Variants in PMEPA1 observed in about 807,000 individuals in gnomAD.
PMEPA1 encodes the protein prostate transmembrane protein, androgen induced 1.
In PMEPA1, 11 loss-of-function variants were observed where a neutral mutation model predicts 23.0. The observed-to-expected ratio is 0.48, with a 90% CI of 0.30 to 0.79. The LOEUF (loss-of-function observed/expected upper bound fraction) is 0.79, where lower values mean the gene tolerates loss of function less well. Among genes scored for constraint, PMEPA1 ranks in the 30% least tolerant of loss-of-function variants. The probability of loss-of-function intolerance (pLI) is 0.06; values close to 1 mark genes in which losing one functional copy is unlikely to be tolerated. For synonymous variants in PMEPA1, 204 were observed against 166.4 expected (o/e 1.23, Z -1.74); for missense variants, 377 against 390.9 (o/e 0.96, Z 0.30).
chr20:57,651,980 ACTC>A lies in PMEPA1; in HGVS notation c.*70_*72del. The A allele has an allele frequency of 2.3e-6, 3 of 1,317,592 alleles. No individual in the cohort carries two copies. The highest frequency in any genetic ancestry group is 3.2e-5 in the Admixed American group (1 of 31,524). 81.6% of individuals were successfully genotyped at this position (1,317,592 alleles called of 1,614,324 possible). On this transcript the variant is annotated 3_prime_UTR_variant, in exon 4 of 4. Transcript: ENST00000341744. The stretch of plus-strand genomic sequence containing the variant: ...TTGCTGCGCCCCCCGCCTTCCTCTC[ACTC>A]CTCTTCTAAGAAGCGCGGAGTGTTC...
chr20:57,690,292 G>C, intron 1 of PMEPA1: 1 of 579,038 alleles, frequency 1.7e-6, no homozygotes. Flanking sequence ...ACCCGGGGGG[G>C]CCGGGCCCAG....
At chr20:57,701,272 G>A (rs193302533) in intron 1 of PMEPA1, among the ~76,000 whole-genome samples, 1 of 152,196 alleles carries the variant, frequency 6.6e-6, no homozygotes, top group Non-Finnish European at 1.5e-5. Flanking sequence ...GCTTAGCTCG[G>A]TCCAGCATAT....
chr20:57,665,108 G>C (rs1049391302), intron 1 of PMEPA1, among the ~76,000 whole-genome samples: 8 of 152,224 alleles, frequency 5.3e-5, no homozygotes, highest in Non-Finnish European at 1.0e-4. Flanking sequence ...GGACAGAGCA[G>C]GAGAGGGCAC....
In PMEPA1 at chr20:57,650,820, G is replaced by A. The variant is rs1000747300; in HGVS notation, c.*1233C>T. On this transcript the variant is annotated 3_prime_UTR_variant, in exon 4 of 4. Transcript: ENST00000341744. The stretch of plus-strand genomic sequence containing the variant: ...ATCCGTGAAGGGAAACAGACAGGAG[G>A]AGGTCAGATTGCGAATACCTGGGGC... 22 of 152,226 alleles carry A rather than the reference G, an allele frequency of 1.4e-4. No individual in the cohort carries two copies. The highest frequency in any genetic ancestry group is 5.3e-4 in the African/African-American group (22 of 41,450). 9.4% of individuals were successfully genotyped at this position (152,226 alleles called of 1,614,324 possible).
At chr20:57,668,267 C>T (rs1221925359) in intron 1 of PMEPA1, among the ~76,000 whole-genome samples, 1 of 152,234 alleles carries the variant, frequency 6.6e-6, no homozygotes, top group East Asian at 1.9e-4. Context: ...TTGGTAGAAT[C>T]TTGGGATAGA....
chr20:57,691,269 G>A (rs970166122), intron 1 of PMEPA1, among the ~76,000 whole-genome samples: 1 of 152,188 alleles, frequency 6.6e-6, no homozygotes, highest in African/African-American at 2.4e-5. Context: ...AATGGCAAAT[G>A]CCACCCAGCC....
chr20:57,660,321 A>G (rs1314926941), intron 1 of PMEPA1, among the ~76,000 whole-genome samples: 1 of 151,968 alleles, frequency 6.6e-6, no homozygotes, highest in Non-Finnish European at 1.5e-5. Flanking sequence ...CAACACACCA[A>G]CACTCCTACA....
intron 1 of PMEPA1, among the ~76,000 whole-genome samples, chr20:57,676,636 T>A (rs1654346892): frequency 6.6e-6 from 1 of 152,220 alleles, no homozygotes; most frequent in Admixed American, 6.5e-5. Flanking sequence ...ACGGTCCAGC[T>A]GCAGAGGCTC....
chr20:57,656,408 T>C lies in PMEPA1; in HGVS notation c.264+3135A>G, dbSNP rs1194244549. Among the ~76,000 whole-genome samples the C allele has an allele frequency of 6.6e-6, 1 of 151,532 alleles. No homozygotes were observed. The highest frequency in any genetic ancestry group is 1.5e-5 in the Non-Finnish European group (1 of 67,812). The stretch of plus-strand genomic sequence containing the variant: ...CCCACACTGAGGACTGATTGGGGGA[T>C]AAAGAGGACAAAGGGTCACCCCATC... On this transcript the variant is annotated intron_variant, in intron 2 of 3. Transcript: ENST00000341744. The surrounding 1 kb of genome is among the most constrained non-coding windows in gnomAD (Gnocchi z 4.7).
chr20:57,670,044 G>C (rs1032722547), intron 1 of PMEPA1, among the ~76,000 whole-genome samples: 3 of 152,062 alleles, frequency 2.0e-5, no homozygotes, highest in African/African-American at 7.2e-5. Context: ...GTCTCTGCCT[G>C]ACCCTAGGAG....
At chr20:57,699,905 C>T (rs963516754) in intron 1 of PMEPA1, 3 of 395,722 alleles carry the variant, frequency 7.6e-6, no homozygotes, top group South Asian at 1.9e-5. Flanking sequence ...CCGGCCTCGG[C>T]GGTTGGAACG....
intron 1 of PMEPA1, among the ~76,000 whole-genome samples, chr20:57,689,846 T>C (rs1189645151): frequency 6.6e-6 from 1 of 152,112 alleles, no homozygotes; most frequent in Non-Finnish European, 1.5e-5. Context: ...AAGCCTTTGA[T>C]TGTGAATCAA....
chr20:57,705,545 G>A (rs2072070400), intron 1 of PMEPA1, among the ~76,000 whole-genome samples: 1 of 152,170 alleles, frequency 6.6e-6, no homozygotes. Flanking sequence ...GACGAAAACG[G>A]GAAAACTTCA....
chr20:57,652,920 CTG>C lies in PMEPA1; in HGVS notation c.318+111_318+112del. ...AAGGAGGATCCCAGCAGCAAGGGCA[CTG>C]CAGAGGAGGGCGGAGGGGTGAGCCT... On this transcript the variant is annotated intron_variant, in intron 3 of 3. Transcript: ENST00000341744. This position sits in a 1 kb window ranked among gnomAD's most constrained non-coding sequence, Gnocchi z 6.1. The C allele has an allele frequency of 1.1e-6, 1 of 910,004 alleles. No homozygotes were observed. The highest frequency in any genetic ancestry group is 1.8e-6 in the Non-Finnish European group (1 of 570,078). 56.4% of individuals were successfully genotyped at this position (910,004 alleles called of 1,614,324 possible). A position where few individuals can be genotyped will look rare whatever the true frequency, so the allele number is the denominator to read the frequency against.
chr20:57,687,553 T>C (rs2071817747), intron 1 of PMEPA1, among the ~76,000 whole-genome samples: 1 of 152,216 alleles, frequency 6.6e-6, no homozygotes, highest in South Asian at 2.1e-4. Context: ...CTCCAGGAGC[T>C]TCCTCTCCCC....
chr20:57,678,111 G>T (rs901063262), intron 1 of PMEPA1, among the ~76,000 whole-genome samples: 2 of 152,100 alleles, frequency 1.3e-5, no homozygotes, highest in African/African-American at 4.8e-5. Context: ...CTTGACTGGT[G>T]GTTACACAAA....
intron 2 of PMEPA1, among the ~76,000 whole-genome samples, chr20:57,659,259 C>T (rs893044516): frequency 2.0e-5 from 3 of 152,244 alleles, no homozygotes; most frequent in African/African-American, 4.8e-5. Context: ...GCCTGCGACC[C>T]GAGGCTGCTC....
Position 57,709,884 on chromosome 20 carries a change from C to T in PMEPA1, c.-302G>A. ...GGCGCGCGCTGCCGCCGGGGCTGAGCCTCTGCCGCTAGCTTTCCCCAGCCG... is the reference window on the plus strand; with the variant it reads ...GGCGCGCGCTGCCGCCGGGGCTGAGTCTCTGCCGCTAGCTTTCCCCAGCCG... On this transcript the variant is annotated 5_prime_UTR_variant, in exon 1 of 4. Transcript: ENST00000341744. 2.0e-6 allele frequency: 2 copies of T among 1,004,098 alleles called. No homozygotes were observed. Among genetic ancestry groups the T allele is most frequent in the Non-Finnish European group, 2.4e-6 (2 of 845,348 alleles). The allele number at this position is 1,004,098 out of a possible 1,614,324, so 62.2% of individuals were successfully genotyped here. A position where few individuals can be genotyped will look rare whatever the true frequency, so the allele number is the denominator to read the frequency against.
intron 1 of PMEPA1, among the ~76,000 whole-genome samples, chr20:57,678,872 C>A (rs1172680944): frequency 1.3e-5 from 2 of 152,168 alleles, no homozygotes; most frequent in Non-Finnish European, 2.9e-5. Flanking sequence ...CCAATACAAT[C>A]AAATACTCCC....
Sources: gnomAD v4.1 joint callset for allele counts (sites outside exome capture counted in the v4.1 genomes callset) on GRCh38, gnomAD v4.1.1 for gene constraint, Gnocchi (gnomAD v3.1) non-coding constraint, MANE v1.5 for transcripts, NCBI Gene and HGNC (gene_info 2026-07-23, HGNC 2026-07-21) for gene names.